DCP1A: variants seen among roughly 807,000 people sequenced by gnomAD.
The protein encoded by DCP1A is mRNA-decapping enzyme 1A.
Under a neutral mutation model 58.0 loss-of-function variants are expected in DCP1A, and 20 were observed. That is an observed-to-expected ratio of 0.34 (90% CI 0.24 to 0.50). The LOEUF (loss-of-function observed/expected upper bound fraction) is 0.50, where lower values mean the gene tolerates loss of function less well. Ranked by LOEUF, DCP1A falls within the 20% of genes least tolerant of loss-of-function variation. The pLI is 0.98. For missense variants in DCP1A, 613 were observed against 712.2 expected (o/e 0.86, Z 1.59); for synonymous variants, 285 against 275.1 (o/e 1.04, Z -0.36).
chr3:53,315,770 T>TG (rs1707791226), intron 4 of DCP1A, among the ~76,000 whole-genome samples: 1 of 144,790 alleles, frequency 6.9e-6, no homozygotes, highest in Non-Finnish European at 1.5e-5. Flanking sequence ...TTTTTTTTTT[T>TG]TGAGACGGAG....
In DCP1A at chr3:53,292,165, G is replaced by C. The variant is rs543268570; in HGVS notation, c.1287C>G (p.Ala429=). The part of the protein sequence containing the change: ...ASFSPAAGQL[A]TPESFIEPPS... ...GAGGCTCTATGAAGCTCTCAGGTGTGGCTAGCTGACCAGCTGCCGGAGAAA... is the reference window on the plus strand; with the variant it reads ...GAGGCTCTATGAAGCTCTCAGGTGTCGCTAGCTGACCAGCTGCCGGAGAAA... Residue 429 remains alanine, a synonymous_variant, in exon 7 of 10, where the codon GCC becomes GCG. Coordinates refer to ENST00000610213, the MANE Select transcript of DCP1A (RefSeq NM_018403.7). The C allele has an allele frequency of 6.2e-7, 1 of 1,613,966 alleles. No homozygotes were observed. The highest frequency in any genetic ancestry group is 1.1e-5 in the South Asian group (1 of 91,076).
At chr3:53,295,117 G>A (rs1285612273) in intron 6 of DCP1A, among the ~76,000 whole-genome samples, 2 of 152,210 alleles carry the variant, frequency 1.3e-5, no homozygotes, top group South Asian at 4.1e-4. Context: ...GCAGCGATGA[G>A]CATGCAGGCA....
Position 53,322,721 on chromosome 3 carries a change from A to C in DCP1A, c.305-3248T>G, listed in dbSNP as rs80076062. Among the ~76,000 whole-genome samples the C allele has an allele frequency of 3.4e-4, 51 of 152,082 alleles. No homozygotes were observed. The East Asian group carries it at 6.8e-3, about 20-fold the overall frequency. ...GCCCGTGTATGGCCATGTGTCCCAC[A>C]AGTGGTGCACTACCTGAAGGAAGTC... is the stretch of plus-strand genomic sequence containing the variant. On this transcript the variant is annotated intron_variant, in intron 3 of 9. Transcript: ENST00000610213.
At chr3:53,338,177 GA>G (rs1553692157) in intron 3 of DCP1A, 1 of 443,846 alleles carries the variant, frequency 2.3e-6, no homozygotes, top group Non-Finnish European at 4.5e-6. Flanking sequence ...TAAGGTGCTA[GA>G]AATACCACTG....
chr3:53,296,659 ATGT>A (rs1305951784), intron 6 of DCP1A, among the ~76,000 whole-genome samples: 124 of 152,360 alleles, frequency 8.1e-4, no homozygotes, highest in African/African-American at 2.9e-3. Context: ...TAGTATATTC[ATGT>A]TGTTGTTTTT....
At chr3:53,346,725 A>G (rs1553693184) in intron 1 of DCP1A, among the ~76,000 whole-genome samples, 1 of 152,208 alleles carries the variant, frequency 6.6e-6, no homozygotes, top group Non-Finnish European at 1.5e-5. Context: ...CCAGCATCAT[A>G]GATGGAACAA....
chr3:53,306,998 G>A (rs923739941), intron 5 of DCP1A, among the ~76,000 whole-genome samples: 6 of 142,672 alleles, frequency 4.2e-5, no homozygotes, highest in African/African-American at 5.2e-5. Context: ...GTGCAGTGGC[G>A]CAATCTTGGC....
At chr3:53,339,172 A>G (rs2089164011) in intron 3 of DCP1A, among the ~76,000 whole-genome samples, 1 of 152,174 alleles carries the variant, frequency 6.6e-6, no homozygotes, top group South Asian at 2.1e-4. Context: ...ACTATTTTCC[A>G]CTTTTAAGAC....
chr3:53,340,735 A>T (rs1461001495), intron 3 of DCP1A, among the ~76,000 whole-genome samples: 5 of 152,146 alleles, frequency 3.3e-5, no homozygotes, highest in African/African-American at 1.2e-4. Context: ...CTGTCCTCAA[A>T]CACCCATACC....
rs189609471 is a variant in DCP1A, at chr3:53,312,660, A to G, written c.372-281T>C. On this transcript the variant is annotated intron_variant, in intron 4 of 9. Coordinates refer to ENST00000610213, the MANE Select transcript of DCP1A (RefSeq NM_018403.7). Reference sequence around the variant, plus strand: ...ACAGCGCCCACCACCACACCCGGCTAATGTTTTGTATTTTTAGTAGAGATG... The same window carrying G: ...ACAGCGCCCACCACCACACCCGGCTGATGTTTTGTATTTTTAGTAGAGATG... Among the ~76,000 whole-genome samples, 6 of 151,760 alleles carry G rather than the reference A, an allele frequency of 4.0e-5. No individual in the cohort carries two copies. The East Asian group carries it at 1.2e-3, about 30-fold the overall frequency.
At chr3:53,318,618 C>T (rs568258312) in intron 4 of DCP1A, among the ~76,000 whole-genome samples, 1 of 152,284 alleles carries the variant, frequency 6.6e-6, no homozygotes, top group African/African-American at 2.4e-5. Flanking sequence ...AATGGCAGTC[C>T]AGCAATACGG....
Position 53,292,854 on chromosome 3 carries a change from C to A in DCP1A, c.625-27G>T, listed in dbSNP as rs565109273. Reference sequence around the variant, plus strand: ...TGAAAAACAAATGAAACCACCCAGTCAAAGAGGTCTGTTATAAATCAGCAT... The same window carrying A: ...TGAAAAACAAATGAAACCACCCAGTAAAAGAGGTCTGTTATAAATCAGCAT... On this transcript the variant is annotated intron_variant, in intron 6 of 9. Transcript: ENST00000610213. 5 of 1,580,578 alleles carry A rather than the reference C, an allele frequency of 3.2e-6. No individual in the cohort carries two copies. The South Asian group carries it at 5.7e-5, about 18-fold the overall frequency.
chr3:53,290,117 G>A (rs1432668111), intron 8 of DCP1A, among the ~76,000 whole-genome samples: 2 of 152,058 alleles, frequency 1.3e-5, no homozygotes, highest in Non-Finnish European at 2.9e-5. Context: ...AGGCTCAAAG[G>A]AAAACAGAAA....
In DCP1A at chr3:53,332,110, GA is replaced by G. The variant is rs144406798; in HGVS notation, c.304+10033del. Among the ~76,000 whole-genome samples the G allele has an allele frequency of 0.013, 2,032 of 152,340 alleles. 118 individuals carry two copies. In the South Asian group the frequency reaches 0.14, roughly 11 times the overall value. On this transcript the variant is annotated intron_variant, in intron 3 of 9. Transcript: ENST00000610213. ...GAAGCATGATTTCCTCATCACAGAA[GA>G]GTGGCCTTTGGAGACAAGTTTCCCT...
chr3:53,290,853 T>A lies in DCP1A; in HGVS notation c.1387A>T (p.Met463Leu). The part of the protein sequence containing the change: ...SNMVLAPLQS[M>L]QQNQDPEVFV... ...ACTTCAGGATCCTGGTTCTGCTGCATAGACTGAAATGTTTATGAAGAAAAG... is the reference window on the plus strand; with the variant it reads ...ACTTCAGGATCCTGGTTCTGCTGCAAAGACTGAAATGTTTATGAAGAAAAG... The change falls in exon 8 of 10, where the codon ATG becomes TTG. Residue 463 changes from methionine to leucine, a missense_variant. Physicochemically the swap from Met to Leu is conservative, Grantham distance 15 (BLOSUM62 2). Transcript: ENST00000610213. The A allele has an allele frequency of 6.2e-7, 1 of 1,607,072 alleles. No individual in the cohort carries two copies. The highest frequency in any genetic ancestry group is 8.5e-7 in the Non-Finnish European group (1 of 1,177,388).
chr3:53,346,203 T>C (rs1553693117), intron 1 of DCP1A, among the ~76,000 whole-genome samples: 2 of 152,190 alleles, frequency 1.3e-5, no homozygotes, highest in Non-Finnish European at 2.9e-5. Flanking sequence ...ATGTCTAAAA[T>C]AGCTACATTT....
At chr3:53,326,587 C>T (rs1708108465) in intron 3 of DCP1A, among the ~76,000 whole-genome samples, 1 of 152,162 alleles carries the variant, frequency 6.6e-6, no homozygotes, top group African/African-American at 2.4e-5. Context: ...TCAGCTGTGG[C>T]AATAGATTCT....
chr3:53,340,575 A>AC (rs1299937594), intron 3 of DCP1A, among the ~76,000 whole-genome samples: 10 of 131,688 alleles, frequency 7.6e-5, no homozygotes, highest in Admixed American at 1.6e-4. Flanking sequence ...AAGACCAATT[A>AC]CCCCCCCGCC....
chr3:53,292,845 C>T lies in DCP1A; in HGVS notation c.625-18G>A. On this transcript the variant is annotated intron_variant, in intron 6 of 9. Transcript: ENST00000610213. ...GGAGCAGACTGAAAAACAAATGAAA[C>T]CACCCAGTCAAAGAGGTCTGTTATA... is the stretch of plus-strand genomic sequence containing the variant. The T allele has an allele frequency of 6.3e-7, 1 of 1,588,096 alleles. No homozygotes were observed. The highest frequency in any genetic ancestry group is 1.7e-5 in the Admixed American group (1 of 57,818).
Sources: allele counts gnomAD v4.1 joint callset (sites outside exome capture counted in the v4.1 genomes callset), GRCh38; gene constraint gnomAD v4.1.1; transcripts MANE v1.5; gene names NCBI Gene and HGNC (gene_info 2026-07-23, HGNC 2026-07-21).